CTNNA3: variants seen among roughly 807,000 people sequenced by gnomAD.
CTNNA3 encodes the protein catenin alpha-3.
A neutral mutation model predicts 95.7 loss-of-function variants in CTNNA3; 76 were observed. That is an observed-to-expected ratio of 0.79 (90% confidence interval 0.66 to 0.96). The LOEUF (loss-of-function observed/expected upper bound fraction) is 0.96, where lower values mean the gene tolerates loss of function less well. Ranked by LOEUF, CTNNA3 falls within the 40% of genes least tolerant of loss-of-function variation. The pLI is 0.00. For synonymous variants in CTNNA3, 431 were observed against 374.4 expected (o/e 1.15, Z -1.74); for missense variants, 1,191 against 1,089.8 (o/e 1.09, Z -1.31).
chr10:66,493,792 A>T (rs562863937), intron 11 of CTNNA3, among the ~76,000 whole-genome samples: 1 of 148,670 alleles, frequency 6.7e-6, no homozygotes, highest in Non-Finnish European at 1.5e-5. Flanking sequence ...TTCTTAGTAG[A>T]GACGGGGTTT....
intron 5 of CTNNA3, among the ~76,000 whole-genome samples, chr10:67,230,967 G>C (rs537980064): frequency 4.6e-5 from 7 of 152,274 alleles, no homozygotes; most frequent in Admixed American, 1.3e-4. Context: ...CTTTTCCGAC[G>C]GGCTTAAAAA....
At chr10:67,114,709 GGTGTGTGTGTGTGTGTGTGTGT>G (rs56772381) in intron 7 of CTNNA3, among the ~76,000 whole-genome samples, 2 of 144,754 alleles carry the variant, frequency 1.4e-5, no homozygotes, top group Admixed American at 1.4e-4. Flanking sequence ...GGTTCTTAAA[GGTGTGTGTGTGTGTGTGTGTGT>G]GTGTGTGTGT....
intron 7 of CTNNA3, among the ~76,000 whole-genome samples, chr10:66,989,477 A>AGT (rs1441748296): frequency 6.6e-6 from 1 of 152,176 alleles, no homozygotes; most frequent in Non-Finnish European, 1.5e-5. Flanking sequence ...GAATAAAATG[A>AGT]GTGCTGCAGA....
At chr10:67,417,361 T>G (rs114907328) in intron 5 of CTNNA3, among the ~76,000 whole-genome samples, 1,674 of 152,236 alleles carry the variant, frequency 0.011, 33 homozygotes, top group African/African-American at 0.038. Context: ...ACTACAACAG[T>G]GGACGGGATC....
chr10:66,239,878 T>C (rs1190140774), intron 13 of CTNNA3, among the ~76,000 whole-genome samples: 1 of 152,006 alleles, frequency 6.6e-6, no homozygotes, highest in Admixed American at 6.6e-5. Context: ...TTTAAATTCC[T>C]CTGCCCACTA....
intron 1 of CTNNA3, among the ~76,000 whole-genome samples, chr10:67,723,636 T>G (rs980353084): frequency 1.3e-5 from 2 of 152,190 alleles, no homozygotes; most frequent in Non-Finnish European, 2.9e-5. Context: ...ACAAGACCCA[T>G]GATCCTAAAT....
intron 7 of CTNNA3, among the ~76,000 whole-genome samples, chr10:67,021,662 T>A (rs558574678): frequency 6.6e-6 from 1 of 152,108 alleles, no homozygotes; most frequent in Non-Finnish European, 1.5e-5. Flanking sequence ...AATGTAAATA[T>A]ATATTCCGAA....
intron 6 of CTNNA3, among the ~76,000 whole-genome samples, chr10:67,217,590 C>T (rs573179734): frequency 4.6e-5 from 7 of 152,168 alleles, no homozygotes; most frequent in African/African-American, 7.2e-5. Flanking sequence ...ACACATAACA[C>T]GCACACTTTC....
chr10:66,807,766 C>A (rs547807039), intron 7 of CTNNA3, among the ~76,000 whole-genome samples: 37 of 152,070 alleles, frequency 2.4e-4, no homozygotes, highest in Non-Finnish European at 4.9e-4. Flanking sequence ...CTTCCCCAGG[C>A]CTGTTTCTTC....
chr10:66,905,243 C>G (rs1329371502), intron 7 of CTNNA3, among the ~76,000 whole-genome samples: 1 of 152,094 alleles, frequency 6.6e-6, no homozygotes, highest in East Asian at 1.9e-4. Flanking sequence ...TGCTGGAAAC[C>G]ATCATTCTCA....
intron 10 of CTNNA3, among the ~76,000 whole-genome samples, chr10:66,573,585 C>A (rs1269203822): frequency 6.6e-6 from 1 of 152,086 alleles, no homozygotes; most frequent in Non-Finnish European, 1.5e-5. Context: ...ATGGCTTATT[C>A]TATTGAATTG....
At chr10:66,475,118 T>C (rs931943559) in intron 11 of CTNNA3, among the ~76,000 whole-genome samples, 1 of 152,014 alleles carries the variant, frequency 6.6e-6, no homozygotes, top group African/African-American at 2.4e-5. Flanking sequence ...GTTTTTGTTG[T>C]CTGTGCTTTT....
intron 1 of CTNNA3, among the ~76,000 whole-genome samples, chr10:67,720,558 A>G (rs112700802): frequency 2.6e-5 from 4 of 152,242 alleles, no homozygotes; most frequent in Admixed American, 2.6e-4. Flanking sequence ...TGGTGGTGAC[A>G]AAATCTCTCA....
At chr10:67,001,893 A>C (rs1012836159) in intron 7 of CTNNA3, among the ~76,000 whole-genome samples, 1 of 152,158 alleles carries the variant, frequency 6.6e-6, no homozygotes, top group East Asian at 1.9e-4. Flanking sequence ...TCATTCCTAA[A>C]ACACATTTGC....
intron 5 of CTNNA3, among the ~76,000 whole-genome samples, chr10:67,504,905 T>C (rs888180743): frequency 1.3e-5 from 2 of 152,266 alleles, no homozygotes; most frequent in African/African-American, 2.4e-5. Context: ...GTTTCATCTT[T>C]GGATTTAATG....
intron 11 of CTNNA3, among the ~76,000 whole-genome samples, chr10:66,385,977 C>T (rs759415385): frequency 6.6e-6 from 1 of 152,080 alleles, no homozygotes; most frequent in Non-Finnish European, 1.5e-5. Flanking sequence ...AAACCCACAG[C>T]CCCCAATATC....
chr10:66,767,803 T>C (rs945151110), intron 8 of CTNNA3, among the ~76,000 whole-genome samples: 1 of 152,158 alleles, frequency 6.6e-6, no homozygotes, highest in Admixed American at 6.5e-5. Flanking sequence ...AAGAAAAATA[T>C]CTCTGCCCAA....
rs377645730 is a variant in CTNNA3, at chr10:67,306,661, T to C, written c.580-86791A>G. Among the ~76,000 whole-genome samples, 14 of 152,300 alleles carry C rather than the reference T, an allele frequency of 9.2e-5. No individual in the cohort carries two copies. In the East Asian group the frequency reaches 9.6e-4, roughly 10 times the overall value. Reference sequence around the variant, plus strand: ...CGTGTGCTGATGATATTTTACCAGCTAATAGCTCCTCAGAATTTCTTCTCC... The same window carrying C: ...CGTGTGCTGATGATATTTTACCAGCCAATAGCTCCTCAGAATTTCTTCTCC... On this transcript the variant is annotated intron_variant, in intron 5 of 17. Transcript: ENST00000433211.
intron 13 of CTNNA3, among the ~76,000 whole-genome samples, chr10:66,211,285 T>C (rs1454370312): frequency 1.3e-5 from 2 of 152,140 alleles, no homozygotes; most frequent in African/African-American, 4.8e-5. Context: ...ACTGAAATAC[T>C]ACATATGAGT....
Sources: allele counts gnomAD v4.1 joint callset (sites outside exome capture counted in the v4.1 genomes callset), GRCh38; gene constraint gnomAD v4.1.1; transcripts MANE v1.5; gene names NCBI Gene and HGNC (gene_info 2026-07-23, HGNC 2026-07-21).